The following SCEL variants were observed in gnomAD, a reference collection of about 807,000 sequenced individuals.
SCEL encodes sciellin.
A neutral mutation model predicts 117.6 loss-of-function variants in SCEL; 113 were observed. The ratio of observed to expected loss-of-function variants is 0.96; its 90% CI spans 0.83 to 1.12. SCEL has a LOEUF of 1.12. SCEL is among the 50% of genes most tolerant of loss of function. The pLI, the probability that SCEL is intolerant of heterozygous loss-of-function variation, is 0.00. For missense variants in SCEL, 785 were observed against 810.8 expected (o/e 0.97, Z 0.39); for synonymous variants, 270 against 256.2 (o/e 1.05, Z -0.51).
At chr13:77,599,871 C>A in intron 15 of SCEL, 123 bp downstream of exon 15, 1 of 710,000 alleles carries the variant, frequency 1.4e-6, no homozygotes, top group Non-Finnish European at 2.5e-6. Context: ...AGACTGGGGT[C>A]CAGGGATAGT....
At chr13:77,591,939 C>G (rs143723805) in intron 11 of SCEL, among the ~76,000 whole-genome samples, 2 of 151,972 alleles carry the variant, frequency 1.3e-5, no homozygotes, top group South Asian at 4.1e-4. Context: ...TCTGGTCTCC[C>G]GATTTACACT....
At chr13:77,541,349 G>A (rs2083691272) in intron 1 of SCEL, among the ~76,000 whole-genome samples, 2 of 152,026 alleles carry the variant, frequency 1.3e-5, no homozygotes, top group South Asian at 4.2e-4. Flanking sequence ...CTAAATGCTG[G>A]CAAATGAGTG....
Position 77,622,721 on chromosome 13 carries a change from G to A in SCEL, c.1628+4661G>A, listed in dbSNP as rs182777736. On this transcript the variant is annotated intron_variant, in intron 27 of 32. Transcript: ENST00000349847. ...TACAAAAATTAAAAAATTTAGCTGG[G>A]TGCGATGGCATGCACCGGTAGTCCC... is the stretch of plus-strand genomic sequence containing the variant. Among the ~76,000 whole-genome samples, 310 of 152,148 alleles carry A rather than the reference G, an allele frequency of 2.0e-3. 1 individual carries two copies. Among genetic ancestry groups the A allele is most frequent in the Middle Eastern group, 0.017 (5 of 294 alleles).
At chr13:77,550,394 A>G (rs1555502350) in intron 1 of SCEL, among the ~76,000 whole-genome samples, 100,431 of 144,982 alleles carry the variant, frequency 0.69, 35,031 homozygotes, top group South Asian at 0.72. Flanking sequence ...TAAAATATAT[A>G]TATATATATA....
chr13:77,578,169 C>G (rs1365392368), intron 9 of SCEL, among the ~76,000 whole-genome samples: 1 of 151,946 alleles, frequency 6.6e-6, no homozygotes, highest in Non-Finnish European at 1.5e-5. Context: ...CAGCGAGTTC[C>G]AGGGATTAGG....
intron 27 of SCEL, among the ~76,000 whole-genome samples, chr13:77,619,095 G>T (rs955087302): frequency 1.3e-5 from 2 of 152,162 alleles, no homozygotes; most frequent in African/African-American, 2.4e-5. Context: ...TAAATACATT[G>T]CTGGAAATAG....
At chr13:77,559,970 C>T in intron 4 of SCEL, 107 bp downstream of exon 4, 1 of 942,208 alleles carries the variant, frequency 1.1e-6, no homozygotes, top group Non-Finnish European at 1.7e-6. Flanking sequence ...TTGGGCTTTC[C>T]CCGATGTTCT....
chr13:77,616,442 A>G (rs1207090614), intron 24 of SCEL, among the ~76,000 whole-genome samples: 1 of 151,992 alleles, frequency 6.6e-6, no homozygotes, highest in Admixed American at 6.6e-5. Flanking sequence ...TTACATAAGG[A>G]GATTATGTTG....
chr13:77,604,047 C>T (rs538538237), intron 18 of SCEL, among the ~76,000 whole-genome samples: 2 of 151,934 alleles, frequency 1.3e-5, no homozygotes, highest in Admixed American at 1.3e-4. Context: ...TCAATGCTGC[C>T]TGCTTGGAGT....
chr13:77,611,895 A>C (rs9530672), intron 22 of SCEL, among the ~76,000 whole-genome samples: 141,894 of 152,212 alleles, frequency 0.93, 66,187 homozygotes, highest in South Asian at 0.96. Flanking sequence ...ATTACTCTTA[A>C]AATTTTTTCT....
In SCEL at chr13:77,640,467, A is replaced by C. The variant is rs368889793; in HGVS notation, c.1839-209A>C. Among the ~76,000 whole-genome samples, 50 of 152,268 alleles carry C rather than the reference A, an allele frequency of 3.3e-4. 1 individual carries two copies. The highest frequency in any genetic ancestry group is 9.6e-4 in the African/African-American group (40 of 41,562). On this transcript the variant is annotated intron_variant, in intron 30 of 32. Coordinates refer to ENST00000349847, the MANE Select transcript of SCEL (RefSeq NM_144777.3). ...AATTAATAATTTGGGACTTTCTCTC[A>C]TGTTAATTATTTGATATCATTTTGA...
At chr13:77,578,393 T>C (rs7983223) in intron 9 of SCEL, among the ~76,000 whole-genome samples, 4,293 of 151,432 alleles carry the variant, frequency 0.028, 174 homozygotes, top group African/African-American at 0.098. Context: ...TCATGTCTAG[T>C]TGGTGTCACT....
chr13:77,542,268 G>A (rs1304171949), intron 1 of SCEL, among the ~76,000 whole-genome samples: 1 of 152,206 alleles, frequency 6.6e-6, no homozygotes, highest in Non-Finnish European at 1.5e-5. Flanking sequence ...AGGCATGGTG[G>A]TGCGTGCCTG....
intron 24 of SCEL, among the ~76,000 whole-genome samples, chr13:77,616,435 C>T (rs969995589): frequency 7.9e-5 from 12 of 151,970 alleles, no homozygotes; most frequent in African/African-American, 2.7e-4. Flanking sequence ...CATCAATTTA[C>T]ATAAGGAGAT....
intron 24 of SCEL, among the ~76,000 whole-genome samples, chr13:77,616,016 G>A (rs1594131234): frequency 2.1e-5 from 3 of 143,198 alleles, no homozygotes; most frequent in Non-Finnish European, 4.6e-5. Context: ...GTGTGTGTGT[G>A]TGTGTGTGTG....
At chr13:77,632,133 T>C (rs1332180814) in intron 28 of SCEL, among the ~76,000 whole-genome samples, 1 of 152,236 alleles carries the variant, frequency 6.6e-6, no homozygotes, top group East Asian at 1.9e-4. Context: ...TTATTAACCC[T>C]GTCTCCTAAT....
rs192893823 is a variant in SCEL, at chr13:77,554,254, T to C, written c.-19-1603T>C. Among the ~76,000 whole-genome samples the C allele has an allele frequency of 1.6e-4, 25 of 152,236 alleles. No individual in the cohort carries two copies. The East Asian group carries it at 3.3e-3, about 20-fold the overall frequency. ...TGAGGCAAGGGACTGACCTTTTTTA[T>C]CCCGAGTCAGTCAGCAGGTTGTAGT... On this transcript the variant is annotated intron_variant, in intron 1 of 32. Coordinates refer to ENST00000349847, the MANE Select transcript of SCEL (RefSeq NM_144777.3).
intron 5 of SCEL, among the ~76,000 whole-genome samples, chr13:77,567,479 A>G (rs1260136378): frequency 6.6e-6 from 1 of 152,186 alleles, no homozygotes; most frequent in Non-Finnish European, 1.5e-5. Flanking sequence ...ATTTCAAACT[A>G]TATTAAAACA....
At chr13:77,598,923 C>A (rs1396347298) in intron 13 of SCEL, among the ~76,000 whole-genome samples, 1 of 152,126 alleles carries the variant, frequency 6.6e-6, no homozygotes, top group Non-Finnish European at 1.5e-5. Context: ...ATCAGGTGAT[C>A]CTTCCACCTT....
Sources: allele counts gnomAD v4.1 joint callset (sites outside exome capture counted in the v4.1 genomes callset), GRCh38; gene constraint gnomAD v4.1.1; transcripts MANE v1.5; gene names NCBI Gene and HGNC (gene_info 2026-07-23, HGNC 2026-07-21).